Variants in PLEKHO2 observed in about 807,000 individuals in gnomAD.
PLEKHO2 encodes pleckstrin homology domain-containing family O member 2.
In PLEKHO2, 20 loss-of-function variants were observed where a neutral mutation model predicts 32.7. The ratio of observed to expected loss-of-function variants is 0.61; its 90% CI spans 0.43 to 0.89. The LOEUF (loss-of-function observed/expected upper bound fraction) is 0.89, where lower values mean the gene tolerates loss of function less well. PLEKHO2 is among the 40% of genes least tolerant of loss of function. The probability of loss-of-function intolerance (pLI) is 0.00; values close to 1 mark genes in which losing one functional copy is unlikely to be tolerated. For missense variants in PLEKHO2, 568 were observed against 621.2 expected (o/e 0.91, Z 0.91); for synonymous variants, 247 against 246.3 (o/e 1.00, Z -0.03).
chr15:64,855,615 A>C (rs1184783926), intron 3 of PLEKHO2, among the ~76,000 whole-genome samples: 1 of 152,160 alleles, frequency 6.6e-6, no homozygotes, highest in Non-Finnish European at 1.5e-5. Flanking sequence ...TTTCCCTGGG[A>C]CATGCTGTGT....
chr15:64,842,109 G>A, intron 1 of PLEKHO2, 81 bp downstream of exon 1: 1 of 1,161,198 alleles, frequency 8.6e-7, no homozygotes, highest in Non-Finnish European at 1.1e-6. Flanking sequence ...TCAGGCCCTC[G>A]TTCCTGCCCG....
intron 1 of PLEKHO2, among the ~76,000 whole-genome samples, chr15:64,844,232 A>C (rs1487868578): frequency 6.6e-6 from 1 of 152,174 alleles, no homozygotes; most frequent in Non-Finnish European, 1.5e-5. Flanking sequence ...ACCCTGGGCC[A>C]AGGTCCCTCA....
chr15:64,861,563 C>T lies in PLEKHO2; in HGVS notation c.471C>T (p.Val157=). 1 of 1,603,828 alleles carries T rather than the reference C, an allele frequency of 6.2e-7. No individual in the cohort carries two copies. The highest frequency in any genetic ancestry group is 8.5e-7 in the Non-Finnish European group (1 of 1,176,090). The change falls in exon 5 of 6, where the codon GTC becomes GTT. Residue 157 remains valine (V), a synonymous_variant. Coordinates refer to ENST00000323544, the MANE Select transcript of PLEKHO2 (RefSeq NM_025201.5). ...GGQRRRPPTR[V]HLKEVASAAS... is the part of the protein sequence containing the mutation. ...AGCGACGCCGGCCACCAACGAGAGT[C>T]CACCTGAAGGAGGTAGGGCCTTACC...
In PLEKHO2 at chr15:64,867,139, C is replaced by T. The variant is rs1194196410; in HGVS notation, c.*1251C>T. 6.6e-6 allele frequency: 1 copy of T among 152,526 alleles called. No homozygotes were observed. The highest frequency in any genetic ancestry group is 2.4e-5 in the African/African-American group (1 of 41,382). 9.4% of individuals were successfully genotyped at this position (152,526 alleles called of 1,614,324 possible). A position where few individuals can be genotyped will look rare whatever the true frequency, so the allele number is the denominator to read the frequency against. On this transcript the variant is annotated 3_prime_UTR_variant, in exon 6 of 6. Coordinates refer to ENST00000323544, the MANE Select transcript of PLEKHO2 (RefSeq NM_025201.5). ...GGCTCCCGAGGTCCAGCCACTCTCC[C>T]TGGGGCCTCTGGGGTGAGAGCAGCT...
At chr15:64,852,529 T>A (rs910304298) in intron 2 of PLEKHO2, among the ~76,000 whole-genome samples, 1 of 152,100 alleles carries the variant, frequency 6.6e-6, no homozygotes, top group African/African-American at 2.4e-5. Flanking sequence ...CCCAAGAGAT[T>A]GTGGTATAAT....
chr15:64,842,388 C>G (rs57653046), intron 1 of PLEKHO2, among the ~76,000 whole-genome samples: 86,825 of 141,744 alleles, frequency 0.61, 26,345 homozygotes, highest in East Asian at 0.91. Flanking sequence ...CTCTCTCTCT[C>G]TCTGTGTGTG....
rs1043697 is a variant in PLEKHO2, at chr15:64,867,259, T to C, written c.*1371T>C. 0.72 allele frequency: 109,387 copies of C among 152,762 alleles called. 40,173 individuals are homozygous for C. Among genetic ancestry groups the C allele is most frequent in the East Asian group, 0.93 (4,808 of 5,184 alleles). 9.5% of individuals were successfully genotyped at this position (152,762 alleles called of 1,614,324 possible). On this transcript the variant is annotated 3_prime_UTR_variant, in exon 6 of 6. Coordinates refer to ENST00000323544, the MANE Select transcript of PLEKHO2 (RefSeq NM_025201.5). ...CAGCAACATGCCCTGGCCTTTCTGC[T>C]CTGTTCCCCAACCCCACTGAGGCCT...
chr15:64,848,515 C>A, intron 1 of PLEKHO2, 78 bp from the exon 2 acceptor site: 1 of 1,547,994 alleles, frequency 6.5e-7, no homozygotes, highest in South Asian at 1.1e-5. Context: ...GGGACACATC[C>A]CTTGTGTGAC....
intron 1 of PLEKHO2, among the ~76,000 whole-genome samples, chr15:64,846,034 G>A (rs765477831): frequency 8.5e-5 from 13 of 152,314 alleles, no homozygotes; most frequent in African/African-American, 2.4e-4. Flanking sequence ...TGCTGTTGCC[G>A]TTGCAGTAGG....
rs2084539757 is a variant in PLEKHO2 at position 64,848,492 on chromosome 15, G to A, written c.13-101G>A. 4.4e-6 allele frequency: 6 copies of A among 1,349,860 alleles called. No individual in the cohort carries two copies. The Admixed American group carries it at 1.2e-4, about 26-fold the overall frequency. The allele number at this position is 1,349,860 out of a possible 1,614,324, so 83.6% of individuals were successfully genotyped here. On this transcript the variant is annotated intron_variant, in intron 1 of 5. Transcript: ENST00000323544. ...AAGCTCACATATTATGATGTCATTA[G>A]GTACTTAGCCTAGGGACACATCCCT...
chr15:64,849,839 T>A (rs2084553525), intron 2 of PLEKHO2, among the ~76,000 whole-genome samples: 1 of 150,618 alleles, frequency 6.6e-6, no homozygotes, highest in African/African-American at 2.5e-5. Context: ...AACTGAAGCC[T>A]GCTCCATTCA....
At chr15:64,864,414 G>A (rs2084667343) in intron 5 of PLEKHO2, among the ~76,000 whole-genome samples, 1 of 152,198 alleles carries the variant, frequency 6.6e-6, no homozygotes, top group Admixed American at 6.5e-5. Context: ...AGCTTGAGAT[G>A]AACTGGAAGA....
intron 1 of PLEKHO2, among the ~76,000 whole-genome samples, chr15:64,847,702 C>G (rs1215855970): frequency 5.3e-5 from 8 of 152,164 alleles, no homozygotes; most frequent in Non-Finnish European, 7.3e-5. Flanking sequence ...CTACCCAAGT[C>G]CAAGAGAAGG....
intron 5 of PLEKHO2, among the ~76,000 whole-genome samples, chr15:64,863,435 CG>C (rs1443090132): frequency 6.6e-6 from 1 of 151,298 alleles, no homozygotes; most frequent in Non-Finnish European, 1.5e-5. Context: ...TGATGGGGGC[CG>C]GGGACGGATG....
Position 64,856,283 on chromosome 15 carries a change from A to C in PLEKHO2, c.279+1246A>C, listed in dbSNP as rs79647210. 4.8e-3 allele frequency among the ~76,000 whole-genome samples: 727 copies of C among 152,142 alleles called. 4 individuals are homozygous for C. The highest frequency in any genetic ancestry group is 0.017 in the African/African-American group (689 of 41,502). On this transcript the variant is annotated intron_variant, in intron 3 of 5. Transcript: ENST00000323544. Reference sequence around the variant, plus strand: ...TGTGTGTTTGAGAGAGATGAGATGCAAAGTATGTTCTGTGTGAAGATCTGC... The same window carrying C: ...TGTGTGTTTGAGAGAGATGAGATGCCAAGTATGTTCTGTGTGAAGATCTGC...
At chr15:64,850,191 G>A (rs1450150647) in intron 2 of PLEKHO2, among the ~76,000 whole-genome samples, 1 of 151,978 alleles carries the variant, frequency 6.6e-6, no homozygotes, top group African/African-American at 2.4e-5. Context: ...AGTAGCACTC[G>A]TACTTGTTTG....
chr15:64,853,488 G>T (rs144177203), intron 2 of PLEKHO2, among the ~76,000 whole-genome samples: 1 of 151,980 alleles, frequency 6.6e-6, no homozygotes, highest in African/African-American at 2.4e-5. Context: ...TAGAGATGGG[G>T]TTTCACTGTG....
rs2084684802 is a variant in PLEKHO2 at position 64,866,123 on chromosome 15, G to A, written c.*235G>A. Reference sequence around the variant, plus strand: ...CCTGGCTATCTGGCCTGGCCTCTGGGCTGGGGCTGGGGCTGGGAGCACACA... The same window carrying A: ...CCTGGCTATCTGGCCTGGCCTCTGGACTGGGGCTGGGGCTGGGAGCACACA... On this transcript the variant is annotated 3_prime_UTR_variant, in exon 6 of 6. Transcript: ENST00000323544. The A allele has an allele frequency of 3.4e-6, 2 of 593,480 alleles. No homozygotes were observed. Among genetic ancestry groups the A allele is most frequent in the Non-Finnish European group, 3.0e-6 (1 of 335,800 alleles). The allele number at this position is 593,480 out of a possible 1,614,324, so 36.8% of individuals were successfully genotyped here.
At chr15:64,852,081 A>C (rs1274749233) in intron 2 of PLEKHO2, among the ~76,000 whole-genome samples, 1 of 152,160 alleles carries the variant, frequency 6.6e-6, no homozygotes, top group East Asian at 1.9e-4. Context: ...GGGTAGAGAA[A>C]GATGGCCAAG....
Sources: allele counts gnomAD v4.1 joint callset (sites outside exome capture counted in the v4.1 genomes callset), GRCh38; gene constraint gnomAD v4.1.1; transcripts MANE v1.5; gene names NCBI Gene and HGNC (gene_info 2026-07-23, HGNC 2026-07-21).